Variants in PLA2G5 observed in about 807,000 individuals in gnomAD.
PLA2G5 encodes the protein Ca2+-dependent phospholipase A2.
Under a neutral mutation model 15.9 loss-of-function variants are expected in PLA2G5, and 12 were observed. That is an observed-to-expected ratio of 0.76 (90% CI 0.48 to 1.23). The LOEUF (loss-of-function observed/expected upper bound fraction) is 1.23. PLA2G5 is among the 50% of genes most tolerant of loss of function. The pLI is 0.00. For missense variants in PLA2G5, 169 were observed against 177.1 expected (o/e 0.95, Z 0.26); for synonymous variants, 71 against 71.4 (o/e 0.99, Z 0.03).
chr1:20,075,282 C>T (rs1006699255), intron 1 of PLA2G5, among the ~76,000 whole-genome samples: 9 of 152,286 alleles, frequency 5.9e-5, no homozygotes, highest in East Asian at 1.9e-4. Context: ...CCCCAAGGGC[C>T]TTTGTGACCT....
At chr1:20,073,814 G>A (rs1225610271) in intron 1 of PLA2G5, among the ~76,000 whole-genome samples, 2 of 150,252 alleles carry the variant, frequency 1.3e-5, no homozygotes, top group Admixed American at 1.3e-4. Flanking sequence ...AGGTTGCAGT[G>A]AGCCGAGATC....
chr1:20,029,325 C>G (rs562575216), intron 1 of PLA2G5, among the ~76,000 whole-genome samples: 1 of 152,112 alleles, frequency 6.6e-6, no homozygotes, highest in African/African-American at 2.4e-5. Flanking sequence ...CAACGTCCAG[C>G]CACCCGTGTG....
Position 20,077,017 on chromosome 1 carries a change from C to T in PLA2G5, c.-11+6552C>T, listed in dbSNP as rs929309226. On this transcript the variant is annotated intron_variant, in intron 1 of 4. Coordinates refer to ENST00000375108, the MANE Select transcript of PLA2G5 (RefSeq NM_000929.3). ...ATGGCTACCCTTGGCAGGGCTTTAGCCCTGGGGCGAGCCTGCATGTGATAG... is the reference window on the plus strand; with the variant it reads ...ATGGCTACCCTTGGCAGGGCTTTAGTCCTGGGGCGAGCCTGCATGTGATAG... The T allele has an allele frequency of 4.6e-5, 7 of 152,236 alleles. No individual in the cohort carries two copies. In the East Asian group the frequency reaches 1.3e-3, roughly 29 times the overall value. The allele number at this position is 152,236 out of a possible 1,614,324, so 9.4% of individuals were successfully genotyped here. A position where few individuals can be genotyped will look rare whatever the true frequency, so the allele number is the denominator to read the frequency against.
intron 3 of PLA2G5, among the ~76,000 whole-genome samples, chr1:20,089,298 C>A (rs146585475): frequency 1.3e-5 from 2 of 152,184 alleles, no homozygotes; most frequent in Non-Finnish European, 2.9e-5. Context: ...ACCTGTGATA[C>A]GAGAAGTTTA....
upstream of PLA2G5, among the ~76,000 whole-genome samples, chr1:20,069,580 A>G (rs1268746306): frequency 6.6e-6 from 1 of 151,996 alleles, no homozygotes; most frequent in Non-Finnish European, 1.5e-5. Flanking sequence ...AGGATCGCTG[A>G]AGCCCAGGAA....
At chr1:20,036,487 T>C (rs1269485927) in intron 1 of PLA2G5, among the ~76,000 whole-genome samples, 2 of 152,160 alleles carry the variant, frequency 1.3e-5, no homozygotes, top group African/African-American at 4.8e-5. Context: ...TAGAAAGCCT[T>C]GTTTTCAAGC....
At chr1:20,072,735 A>G (rs2015446390) in intron 1 of PLA2G5, among the ~76,000 whole-genome samples, 1 of 152,194 alleles carries the variant, frequency 6.6e-6, no homozygotes, top group Non-Finnish European at 1.5e-5. Context: ...GGAGGAAGCC[A>G]TGAACTCTGC....
chr1:20,062,351 C>G (rs142260345), intron 2 of PLA2G5, among the ~76,000 whole-genome samples: 1,548 of 152,298 alleles, frequency 0.01, 18 homozygotes, highest in Non-Finnish European at 0.016. Flanking sequence ...CTCCACATCC[C>G]ACGCCAGAAA....
intron 1 of PLA2G5, among the ~76,000 whole-genome samples, chr1:20,031,904 G>T (rs2012970831): frequency 6.6e-6 from 1 of 152,152 alleles, no homozygotes; most frequent in Non-Finnish European, 1.5e-5. Flanking sequence ...GCTGGGGCAA[G>T]TAAGTGTTTG....
intron 1 of PLA2G5, among the ~76,000 whole-genome samples, chr1:20,047,402 C>A (rs1341810135): frequency 6.6e-6 from 1 of 151,286 alleles, no homozygotes; most frequent in East Asian, 1.9e-4. Flanking sequence ...GAGGAGAAAA[C>A]AAAGAGAATG....
intron 1 of PLA2G5, among the ~76,000 whole-genome samples, chr1:20,048,627 C>T (rs776510462): frequency 1.3e-5 from 2 of 152,178 alleles, no homozygotes; most frequent in Non-Finnish European, 2.9e-5. Flanking sequence ...AACTAAGTTC[C>T]TCCAAAAGTT....
rs2100647173 is a variant in PLA2G5, at chr1:20,089,782, C to T, written c.186-7C>T. The stretch of plus-strand genomic sequence containing the variant: ...CCACTCGGGATCTAAGTCTCTTGCA[C>T]GGACAGGTGCTGTTGGGCGCATGAC... On this transcript the variant is annotated splice_region_variant and splice_polypyrimidine_tract_variant and intron_variant, in intron 3 of 4. Transcript: ENST00000375108. 8 of 1,611,804 alleles carry T rather than the reference C, an allele frequency of 5.0e-6. No homozygotes were observed. The highest frequency in any genetic ancestry group is 2.2e-5 in the South Asian group (2 of 91,000).
At chr1:20,084,159 C>A (rs768920783) in intron 1 of PLA2G5, among the ~76,000 whole-genome samples, 54 of 149,256 alleles carry the variant, frequency 3.6e-4, no homozygotes, top group Admixed American at 2.3e-3. Context: ...ATAATCAGGC[C>A]CTGAAAGCCA....
At chr1:20,080,776 C>G (rs1271371506) in intron 1 of PLA2G5, among the ~76,000 whole-genome samples, 1 of 151,760 alleles carries the variant, frequency 6.6e-6, no homozygotes, top group East Asian at 1.9e-4. Context: ...CTTCTGTGGG[C>G]CTGAGGACGG....
chr1:20,063,621 GTTGGAAAC>G (rs1304118557), intron 2 of PLA2G5: 1 of 152,252 alleles, frequency 6.6e-6, no homozygotes, highest in African/African-American at 2.4e-5. Flanking sequence ...AGAGGCTGCA[GTTGGAAAC>G]TTGAAACCCT....
chr1:20,074,200 T>C (rs145020441), intron 1 of PLA2G5, among the ~76,000 whole-genome samples: 24 of 151,778 alleles, frequency 1.6e-4, no homozygotes, highest in Non-Finnish European at 2.5e-4. Flanking sequence ...GCTCAGAGAG[T>C]TCAAGAATAA....
In PLA2G5 at chr1:20,041,225, T is replaced by G. The variant is rs117455174; in HGVS notation, n.276+12516T>G. Among the ~76,000 whole-genome samples the G allele has an allele frequency of 3.1e-3, 465 of 152,240 alleles. 13 individuals are homozygous for G. In the East Asian group the frequency reaches 0.076, roughly 25 times the overall value. On this transcript the variant is annotated intron_variant and non_coding_transcript_variant, in intron 1 of 6. Transcript: ENST00000460175. ...TGCTTGGTATCAGCATAAGCTAAGT[T>G]TATGGCCCAAATCAATAGAACAATT... is the stretch of plus-strand genomic sequence containing the variant.
At chr1:20,042,736 C>T (rs1221332184) in intron 1 of PLA2G5, among the ~76,000 whole-genome samples, 1 of 152,036 alleles carries the variant, frequency 6.6e-6, no homozygotes, top group Non-Finnish European at 1.5e-5. Context: ...GCAGCTGTTA[C>T]TTTGTAGAAG....
At position 20,063,011 on chromosome 1, in the gene PLA2G5, C is replaced by G. The variant is rs185324818; in HGVS notation, n.337+3319C>G. Among the ~76,000 whole-genome samples the G allele has an allele frequency of 8.4e-4, 128 of 152,224 alleles. 1 individual carries two copies. The highest frequency in any genetic ancestry group is 2.9e-3 in the African/African-American group (122 of 41,526). ...CCATGGACGTGGGGAAGCACCTACT[C>G]ATAGTCCCTCAGAGAGTCTGTGTTT... On this transcript the variant is annotated intron_variant and non_coding_transcript_variant, in intron 2 of 6. Transcript: ENST00000460175.
Sources: gnomAD v4.1 joint callset for allele counts (sites outside exome capture counted in the v4.1 genomes callset) on GRCh38, gnomAD v4.1.1 for gene constraint, MANE v1.5 for transcripts, NCBI Gene and HGNC (gene_info 2026-07-23, HGNC 2026-07-21) for gene names.